The following FRMD5 variants were observed in gnomAD, a reference collection of about 807,000 sequenced individuals.
The protein encoded by FRMD5 is FERM domain containing 5, also known as FERM domain-containing protein 5.
Under a neutral mutation model 69.0 loss-of-function variants are expected in FRMD5, and 20 were observed. The observed-to-expected ratio is 0.29, with a 90% CI of 0.20 to 0.42. The LOEUF (loss-of-function observed/expected upper bound fraction) is 0.42. Ranked by LOEUF, FRMD5 falls within the 10% of genes least tolerant of loss-of-function variation. FRMD5 has a pLI of 1.00. For synonymous variants in FRMD5, 271 were observed against 260.1 expected (o/e 1.04, Z -0.40); for missense variants, 595 against 708.6 (o/e 0.84, Z 1.82).
At chr15:43,968,659 A>G (rs1330615719) in intron 1 of FRMD5, among the ~76,000 whole-genome samples, 1 of 152,206 alleles carries the variant, frequency 6.6e-6, no homozygotes, top group African/African-American at 2.4e-5. Context: ...TCTACTATGT[A>G]TGAACGTGTA....
intron 1 of FRMD5, among the ~76,000 whole-genome samples, chr15:44,075,398 A>C (rs1893715792): frequency 6.6e-6 from 1 of 152,160 alleles, no homozygotes; most frequent in African/African-American, 2.4e-5. Context: ...TTTATTACAA[A>C]TATTAAAGGA....
intron 1 of FRMD5, among the ~76,000 whole-genome samples, chr15:44,163,037 G>A (rs1260437654): frequency 6.6e-6 from 1 of 152,088 alleles, no homozygotes; most frequent in Non-Finnish European, 1.5e-5. Context: ...TAGCAGGCGT[G>A]GTGGCGGGCG....
At chr15:44,041,782 G>A (rs1394694892) in intron 1 of FRMD5, among the ~76,000 whole-genome samples, 3 of 151,940 alleles carry the variant, frequency 2.0e-5, no homozygotes, top group East Asian at 1.9e-4. Flanking sequence ...TTTAAAGCAG[G>A]GTGTAGAGGG....
intron 1 of FRMD5, among the ~76,000 whole-genome samples, chr15:43,927,304 T>A (rs2089601343): frequency 6.6e-6 from 1 of 152,238 alleles, no homozygotes. Flanking sequence ...GTATCACTTC[T>A]GCTAGCCTCA....
intron 1 of FRMD5, among the ~76,000 whole-genome samples, chr15:44,035,991 T>A (rs149129395): frequency 4.7e-4 from 72 of 152,310 alleles, no homozygotes; most frequent in African/African-American, 1.7e-3. Context: ...CTGAAGGCAC[T>A]GCTTGGATGA....
chr15:43,908,521 G>A (rs1170245940), intron 5 of FRMD5, among the ~76,000 whole-genome samples: 1 of 152,176 alleles, frequency 6.6e-6, no homozygotes, highest in Non-Finnish European at 1.5e-5. Flanking sequence ...TTGGCAAGCA[G>A]TTTCCAGGTT....
chr15:44,151,355 C>T (rs2077443963), intron 1 of FRMD5, among the ~76,000 whole-genome samples: 1 of 149,648 alleles, frequency 6.7e-6, no homozygotes, highest in Admixed American at 6.6e-5. Context: ...CAAGATCGCG[C>T]CACTGCACTC....
At chr15:44,073,457 G>A (rs1179073027) in intron 1 of FRMD5, among the ~76,000 whole-genome samples, 1 of 152,134 alleles carries the variant, frequency 6.6e-6, no homozygotes, top group Admixed American at 6.6e-5. Flanking sequence ...AATGGATAAG[G>A]ACTTGTAATT....
At chr15:44,052,573 T>C (rs779032037) in intron 1 of FRMD5, among the ~76,000 whole-genome samples, 8 of 151,300 alleles carry the variant, frequency 5.3e-5, no homozygotes, top group Non-Finnish European at 8.8e-5. Context: ...ATCAAAATAT[T>C]GCTCAGGACA....
chr15:44,051,023 C>A (rs1301341620), intron 1 of FRMD5, among the ~76,000 whole-genome samples: 1 of 151,546 alleles, frequency 6.6e-6, no homozygotes, highest in Non-Finnish European at 1.5e-5. Context: ...AATACATAAA[C>A]CTACAAAGCA....
At chr15:44,024,956 C>A (rs745657467) in intron 1 of FRMD5, among the ~76,000 whole-genome samples, 8 of 152,182 alleles carry the variant, frequency 5.3e-5, no homozygotes, top group Non-Finnish European at 1.0e-4. Flanking sequence ...GGTATGAGAT[C>A]TGGAGAGTAA....
chr15:44,047,081 C>A (rs906074167), intron 1 of FRMD5, among the ~76,000 whole-genome samples: 1 of 152,020 alleles, frequency 6.6e-6, no homozygotes, highest in Non-Finnish European at 1.5e-5. Flanking sequence ...CTGAGGCGGG[C>A]GGATCACTTG....
chr15:44,173,324 C>T (rs1285376165), intron 1 of FRMD5, among the ~76,000 whole-genome samples: 2 of 152,054 alleles, frequency 1.3e-5, no homozygotes, highest in Admixed American at 1.3e-4. Context: ...AAAACTATTT[C>T]ATTTTTTCCA....
intron 6 of FRMD5, among the ~76,000 whole-genome samples, chr15:43,905,268 T>C (rs953970848): frequency 5.3e-5 from 8 of 151,538 alleles, no homozygotes; most frequent in Admixed American, 2.6e-4. Flanking sequence ...TCCGGAGTAG[T>C]TGGGATTACA....
intron 1 of FRMD5, among the ~76,000 whole-genome samples, chr15:44,131,466 G>C (rs1457255584): frequency 6.6e-6 from 1 of 151,856 alleles, no homozygotes; most frequent in East Asian, 1.9e-4. Flanking sequence ...AAAACAACTG[G>C]GTCTCAGAGA....
At chr15:43,959,028 T>C (rs540008045) in intron 1 of FRMD5, among the ~76,000 whole-genome samples, 2 of 152,316 alleles carry the variant, frequency 1.3e-5, no homozygotes, top group East Asian at 1.9e-4. Flanking sequence ...AAAAGCCTTC[T>C]CAAGCCTTAA....
Position 43,873,601 on chromosome 15 carries a change from A to T in FRMD5, c.*284T>A. On this transcript the variant is annotated 3_prime_UTR_variant, in exon 14 of 14. Coordinates refer to ENST00000417257, the MANE Select transcript of FRMD5 (RefSeq NM_032892.5). ...TACATCTATGAAAAATCAAAATTCAAAACCAAAAATTATCCTGCAAATTGG... is the reference window on the plus strand; with the variant it reads ...TACATCTATGAAAAATCAAAATTCATAACCAAAAATTATCCTGCAAATTGG... 6.9e-7 allele frequency: 1 copy of T among 1,449,044 alleles called. No homozygotes were observed. The highest frequency in any genetic ancestry group is 1.3e-5 in the South Asian group (1 of 74,186). 89.8% of individuals were successfully genotyped at this position (1,449,044 alleles called of 1,614,324 possible).
At position 43,898,245 on chromosome 15, in the gene FRMD5, G is replaced by A. The variant is rs373949092; in HGVS notation, c.639+3930C>T. 1.9e-4 allele frequency among the ~76,000 whole-genome samples: 29 copies of A among 152,218 alleles called. No individual in the cohort carries two copies. The East Asian group carries it at 3.1e-3, about 16-fold the overall frequency. On this transcript the variant is annotated intron_variant, in intron 7 of 13. Coordinates refer to ENST00000417257, the MANE Select transcript of FRMD5 (RefSeq NM_032892.5). ...CTGAGACTCAGATAACCCTGGGTTC[G>A]AGCCTCAGTATTGTGTTACCCAGTA... is the stretch of plus-strand genomic sequence containing the variant.
chr15:44,170,259 T>G (rs2077777626), intron 1 of FRMD5, among the ~76,000 whole-genome samples: 1 of 152,158 alleles, frequency 6.6e-6, no homozygotes, highest in Non-Finnish European at 1.5e-5. Flanking sequence ...ACATGGTGGC[T>G]CACACCTGTA....
Sources: gnomAD v4.1 joint callset for allele counts (sites outside exome capture counted in the v4.1 genomes callset) on GRCh38, gnomAD v4.1.1 for gene constraint, MANE v1.5 for transcripts, NCBI Gene and HGNC (gene_info 2026-07-23, HGNC 2026-07-21) for gene names.